The following DAG1 variants were observed in gnomAD, a reference collection of about 807,000 sequenced individuals.
DAG1 encodes the protein dystroglycan 1 (dystrophin-associated glycoprotein 1).
A neutral mutation model predicts 46.1 loss-of-function variants in DAG1; 8 were observed. The observed-to-expected ratio is 0.17, with a 90% CI of 0.10 to 0.31. DAG1 has a LOEUF of 0.31. Among genes scored for constraint, DAG1 ranks in the 10% least tolerant of loss-of-function variants. DAG1 has a pLI of 1.00. For missense variants in DAG1, 1,003 were observed against 1,189.9 expected (o/e 0.84, Z 2.31); for synonymous variants, 495 against 481.8 (o/e 1.03, Z -0.36).
chr3:49,503,893 T>G (rs2050525483), intron 1 of DAG1, among the ~76,000 whole-genome samples: 1 of 152,034 alleles, frequency 6.6e-6, no homozygotes, highest in Non-Finnish European at 1.5e-5. Context: ...CTGTGTCAGA[T>G]TTAAAATTCA....
intron 1 of DAG1, among the ~76,000 whole-genome samples, chr3:49,480,467 C>T (rs1371015020): frequency 9.3e-5 from 14 of 149,946 alleles, no homozygotes; most frequent in East Asian, 8.1e-4. Flanking sequence ...TTAGTAGAGA[C>T]GGGGTTTCAC....
chr3:49,511,453 A>C (rs2050759688), intron 2 of DAG1, among the ~76,000 whole-genome samples: 2 of 152,168 alleles, frequency 1.3e-5, no homozygotes, highest in Admixed American at 6.6e-5. Flanking sequence ...GGAACCATGG[A>C]ATTTCCCCTA....
At chr3:49,501,465 A>C (rs1034166198) in intron 1 of DAG1, among the ~76,000 whole-genome samples, 1 of 152,168 alleles carries the variant, frequency 6.6e-6, no homozygotes, top group African/African-American at 2.4e-5. Context: ...CTGCTCTCCC[A>C]CAACTTATAG....
At position 49,532,523 on chromosome 3, in the gene DAG1, A is replaced by C; in HGVS notation, c.2012A>C (p.Lys671Thr). ...NNTLPLEPCP[K>T]EQIAGLSRRI... Reference sequence around the variant, plus strand: ...ACACTGCCCTTGGAGCCCTGCCCCAAGGAGCAGATCGCTGGGCTGAGCCGC... The same window carrying C: ...ACACTGCCCTTGGAGCCCTGCCCCACGGAGCAGATCGCTGGGCTGAGCCGC... The change falls in exon 3 of 3, where the codon AAG (lysine) becomes ACG (threonine). Residue 671 changes from lysine (K) to threonine (T), a missense_variant. Lys to Thr is a moderately conservative substitution (Grantham distance 78, BLOSUM62 -1). Transcript: ENST00000308775. This position sits in a 1 kb window ranked among gnomAD's most constrained non-coding sequence, Gnocchi z 5.4. 6.2e-7 allele frequency: 1 copy of C among 1,614,176 alleles called. No individual in the cohort carries two copies. Among genetic ancestry groups the C allele is most frequent in the Non-Finnish European group, 8.5e-7 (1 of 1,179,990 alleles).
intron 1 of DAG1, among the ~76,000 whole-genome samples, chr3:49,502,638 C>CTTT (rs66475946): frequency 1.8e-5 from 2 of 112,676 alleles, no homozygotes; most frequent in East Asian, 2.8e-4. Flanking sequence ...CTTTAACTTT[C>CTTT]TTTTTTTTTT....
intron 1 of DAG1, chr3:49,492,859 A>G (rs1559554682): frequency 6.6e-6 from 1 of 151,842 alleles, no homozygotes; most frequent in Non-Finnish European, 1.5e-5. Flanking sequence ...AGGTTGGGCT[A>G]CTCAGGCATG....
rs528481479 is a variant in DAG1, at chr3:49,529,361, G to C, written c.286-1436G>C. ...TTCTCATACATTTTTGCTGGGTGTA[G>C]GAAACCTGTTTAAATTAGTTTAAAG... On this transcript the variant is annotated intron_variant, in intron 2 of 2. Transcript: ENST00000308775. Among the ~76,000 whole-genome samples, 10 of 152,268 alleles carry C rather than the reference G, an allele frequency of 6.6e-5. No homozygotes were observed. The East Asian group carries it at 1.7e-3, about 26-fold the overall frequency.
At chr3:49,515,708 A>G (rs1349962129) in intron 2 of DAG1, among the ~76,000 whole-genome samples, 1 of 152,036 alleles carries the variant, frequency 6.6e-6, no homozygotes, top group Non-Finnish European at 1.5e-5. Flanking sequence ...TGAGTGTGTG[A>G]GGAACATTTC....
Position 49,532,569 on chromosome 3 carries a change from A to G in DAG1, c.2058A>G (p.Gly686=), listed in dbSNP as rs1286303169. 1.2e-6 allele frequency: 2 copies of G among 1,612,544 alleles called. No individual in the cohort carries two copies. The highest frequency in any genetic ancestry group is 1.3e-5 in the African/African-American group (1 of 74,980). ...GCCGCCGGATCGCTGAGGATGATGG[A>G]AAACCTCGGCCTGCCTTCTCCAACG... The part of the protein sequence containing the change: ...GLSRRIAEDD[G]KPRPAFSNAL... The change falls in exon 3 of 3, where the codon GGA becomes GGG. Residue 686 remains glycine (G), a synonymous_variant. Coordinates refer to ENST00000308775, the MANE Select transcript of DAG1 (RefSeq NM_004393.6). This position sits in a 1 kb window ranked among gnomAD's most constrained non-coding sequence, Gnocchi z 5.4.
rs1299568072 is a variant in DAG1, at chr3:49,530,871, C to T, written c.360C>T (p.Leu120=). 6.2e-7 allele frequency: 1 copy of T among 1,614,144 alleles called. No homozygotes were observed. Among genetic ancestry groups the T allele is most frequent in the Non-Finnish European group, 8.5e-7 (1 of 1,180,024 alleles). ...CACAGAGCCACACCCTGGAGGGCCT[C>T]CCCCTTGACACTGATAAGGGTGTGC... is the stretch of plus-strand genomic sequence containing the variant. ...WDSQSHTLEG[L]PLDTDKGVHY... is the part of the protein sequence containing the mutation. Residue 120 remains leucine (L), a synonymous_variant, in exon 3 of 3, where the codon CTC becomes CTT. Transcript: ENST00000308775.
At chr3:49,477,288 C>T (rs920945949) in intron 1 of DAG1, among the ~76,000 whole-genome samples, 2 of 151,832 alleles carry the variant, frequency 1.3e-5, no homozygotes, top group African/African-American at 4.8e-5. Flanking sequence ...TGAGCCACCG[C>T]TGCCCAGCTT....
chr3:49,528,911 C>T (rs922623299), intron 2 of DAG1, among the ~76,000 whole-genome samples: 7 of 149,294 alleles, frequency 4.7e-5, no homozygotes, highest in Admixed American at 6.7e-5. Flanking sequence ...GTTGCAGTGG[C>T]GTGATCTCAG....
intron 1 of DAG1, among the ~76,000 whole-genome samples, chr3:49,491,369 T>C (rs1204353008): frequency 6.6e-6 from 1 of 150,986 alleles, no homozygotes; most frequent in East Asian, 2.0e-4. Flanking sequence ...TGGAATGCAG[T>C]GGCGTGTTTT....
chr3:49,488,043 A>G (rs1223885740), intron 1 of DAG1, among the ~76,000 whole-genome samples: 1 of 152,102 alleles, frequency 6.6e-6, no homozygotes, highest in Admixed American at 6.6e-5. Flanking sequence ...GAGGTACTCA[A>G]GTTTTACTAG....
At chr3:49,528,692 T>C (rs1346830498) in intron 2 of DAG1, among the ~76,000 whole-genome samples, 1 of 152,160 alleles carries the variant, frequency 6.6e-6, no homozygotes, top group Non-Finnish European at 1.5e-5. Context: ...ACATTTCTGA[T>C]GTTTGATGGT....
At chr3:49,514,142 A>C (rs1367781431) in intron 2 of DAG1, among the ~76,000 whole-genome samples, 1 of 152,030 alleles carries the variant, frequency 6.6e-6, no homozygotes, top group Non-Finnish European at 1.5e-5. Context: ...AAGATGTGTG[A>C]CTCTTCGTTC....
At chr3:49,506,913 A>G (rs1451150860) in intron 1 of DAG1, among the ~76,000 whole-genome samples, 1 of 151,920 alleles carries the variant, frequency 6.6e-6, no homozygotes, top group African/African-American at 2.4e-5. Flanking sequence ...AGGAGTTCAA[A>G]TCTAGCTTGG....
At chr3:49,495,984 G>T (rs1470857528) in intron 1 of DAG1, among the ~76,000 whole-genome samples, 1 of 151,784 alleles carries the variant, frequency 6.6e-6, no homozygotes, top group Non-Finnish European at 1.5e-5. Flanking sequence ...GGTTTGGCCT[G>T]GTCCTTATCT....
chr3:49,496,628 G>A (rs2050317868), intron 1 of DAG1, among the ~76,000 whole-genome samples: 1 of 151,808 alleles, frequency 6.6e-6, no homozygotes, highest in African/African-American at 2.4e-5. Context: ...CCAGAGTGCT[G>A]GGATTACAGG....
Sources: gnomAD v4.1 joint callset for allele counts (sites outside exome capture counted in the v4.1 genomes callset) on GRCh38, gnomAD v4.1.1 for gene constraint, Gnocchi (gnomAD v3.1) non-coding constraint, MANE v1.5 for transcripts, NCBI Gene and HGNC (gene_info 2026-07-23, HGNC 2026-07-21) for gene names.